SH3PXD2A: variants seen among roughly 807,000 people sequenced by gnomAD.
The protein encoded by SH3PXD2A is SH3 and PX domains 2A, also known as SH3 and PX domain-containing protein 2A.
SH3PXD2A carries 32 observed loss-of-function variants against 115.2 expected under a neutral mutation model. The ratio of observed to expected loss-of-function variants is 0.28; its 90% confidence interval spans 0.21 to 0.37. The LOEUF is 0.37. Ranked by LOEUF, SH3PXD2A falls within the 10% of genes least tolerant of loss-of-function variation. The probability of loss-of-function intolerance (pLI) is 1.00; values close to 1 mark genes in which losing one functional copy is unlikely to be tolerated. For missense variants in SH3PXD2A, 1,328 were observed against 1,498.7 expected, an observed-to-expected ratio of 0.89 and a Z score of 1.88; for synonymous variants, 610 against 629.1, an observed-to-expected ratio of 0.97 and a Z score of 0.45.
intron 11 of SH3PXD2A, among the ~76,000 whole-genome samples, chr10:103,615,541 G>A (rs1315657098): frequency 8.9e-6 from 1 of 111,944 alleles, no homozygotes; most frequent in Non-Finnish European, 2.0e-5. Flanking sequence ...TAGGGGTTGG[G>A]GGAGGAGAAG....
chr10:103,778,613 A>C (rs2038902960), intron 2 of SH3PXD2A, among the ~76,000 whole-genome samples: 1 of 152,252 alleles, frequency 6.6e-6, no homozygotes, highest in South Asian at 2.1e-4. Context: ...TGAAATGAGA[A>C]TACAGGTGAG....
At chr10:103,705,060 C>A (rs899613934) in intron 5 of SH3PXD2A, among the ~76,000 whole-genome samples, 3 of 152,158 alleles carry the variant, frequency 2.0e-5, no homozygotes, top group Non-Finnish European at 4.4e-5. Flanking sequence ...CCTTCTCCAG[C>A]TGCCTTCCTG....
chr10:103,771,734 AAAC>A (rs2038822568), intron 2 of SH3PXD2A, among the ~76,000 whole-genome samples: 1 of 134,160 alleles, frequency 7.5e-6, no homozygotes, highest in Non-Finnish European at 1.6e-5. Context: ...GACTCCGTCA[AAAC>A]AACACACACA....
intron 1 of SH3PXD2A, among the ~76,000 whole-genome samples, chr10:103,845,607 C>T (rs942245258): frequency 6.6e-6 from 1 of 152,146 alleles, no homozygotes; most frequent in Non-Finnish European, 1.5e-5. Context: ...TAACCAGTGG[C>T]CCTCGGGGCT....
chr10:103,595,490 C>G lies in SH3PXD2A; in HGVS notation c.*6326G>C. ...CAGCTACCCCAAACATGCACATGCT[C>G]TTCTCACCAACGTGCCTCTCACTTG... On this transcript the variant is annotated 3_prime_UTR_variant, in exon 15 of 15. Transcript: ENST00000369774. 1 of 152,278 alleles carries G rather than the reference C, an allele frequency of 6.6e-6. No individual in the cohort carries two copies. The highest frequency in any genetic ancestry group is 1.9e-4 in the East Asian group (1 of 5,200). 9.4% of individuals were successfully genotyped at this position (152,278 alleles called of 1,614,324 possible). A position where few individuals can be genotyped will look rare whatever the true frequency, so the allele number is the denominator to read the frequency against.
chr10:103,617,963 T>G (rs2036544817), intron 10 of SH3PXD2A, among the ~76,000 whole-genome samples: 1 of 152,200 alleles, frequency 6.6e-6, no homozygotes, highest in Non-Finnish European at 1.5e-5. Flanking sequence ...ATGTGTTTTG[T>G]TAAGACAAGG....
intron 2 of SH3PXD2A, among the ~76,000 whole-genome samples, chr10:103,792,484 C>G (rs978483371): frequency 2.0e-5 from 3 of 152,186 alleles, no homozygotes; most frequent in Admixed American, 2.0e-4. Context: ...GCTTACCTGT[C>G]TGGCGTCTCT....
intron 11 of SH3PXD2A, among the ~76,000 whole-genome samples, chr10:103,615,541 GGGA>G (rs781488036): frequency 1.8e-5 from 2 of 111,944 alleles, no homozygotes; most frequent in Non-Finnish European, 4.0e-5. Context: ...TAGGGGTTGG[GGGA>G]GGAGAAGAAA....
At chr10:103,639,370 G>C (rs1194625051) in intron 8 of SH3PXD2A, among the ~76,000 whole-genome samples, 2 of 152,110 alleles carry the variant, frequency 1.3e-5, no homozygotes, top group Non-Finnish European at 2.9e-5. Context: ...CTGGCACTTT[G>C]GGAGGCTGAG....
chr10:103,852,667 G>A (rs1030702264), intron 1 of SH3PXD2A, among the ~76,000 whole-genome samples: 2 of 152,210 alleles, frequency 1.3e-5, no homozygotes, highest in East Asian at 1.9e-4. Context: ...ACCGTGCAAG[G>A]GCCAGGAGAG....
At chr10:103,843,519 C>G (rs1717998045) in intron 1 of SH3PXD2A, among the ~76,000 whole-genome samples, 1 of 152,184 alleles carries the variant, frequency 6.6e-6, no homozygotes, top group African/African-American at 2.4e-5. Flanking sequence ...GGCAAGAGTT[C>G]AAGGGGAATA....
At chr10:103,603,837 C>A (rs1454064218) in intron 14 of SH3PXD2A, 48 bp from the exon 15 acceptor site, 2 of 1,519,988 alleles carry the variant, frequency 1.3e-6, no homozygotes, top group Middle Eastern at 2.0e-4. Context: ...GATCTGGAAC[C>A]CTATGACATC....
intron 4 of SH3PXD2A, among the ~76,000 whole-genome samples, chr10:103,726,271 G>A (rs1341791523): frequency 6.6e-6 from 1 of 152,322 alleles, no homozygotes; most frequent in African/African-American, 2.4e-5. Context: ...ACCACGACCA[G>A]CTTCAGATGC....
In SH3PXD2A at chr10:103,602,355, C is replaced by A. The variant is rs138239379; in HGVS notation, c.2863G>T (p.Gly955Trp). 5.0e-5 allele frequency: 80 copies of A among 1,613,388 alleles called. No individual in the cohort carries two copies. The highest frequency in any genetic ancestry group is 1.6e-4 in the Middle Eastern group (1 of 6,076). ...ATPPIPSKPPGGFGKTSGTPA... is the reference protein window; with the variant it reads ...ATPPIPSKPPWGFGKTSGTPA... ...GTGCCTGAGGTCTTGCCGAAGCCCC[C>A]GGGAGGTTTGGAGGGGATGGGGGGC... Residue 955 changes from glycine to tryptophan, a missense_variant, in exon 15 of 15, where the codon GGG becomes TGG. Transcript: ENST00000369774.
chr10:103,837,011 C>T lies in SH3PXD2A; in HGVS notation c.72+18184G>A, dbSNP rs367625434. Among the ~76,000 whole-genome samples the T allele has an allele frequency of 2.0e-5, 3 of 152,166 alleles. No individual in the cohort carries two copies. The East Asian group carries it at 5.8e-4, about 29-fold the overall frequency. Reference sequence around the variant, plus strand: ...TGAAGATATTAGATTTCTATTATCCCTAAGTCTCTCGTTTGTTTCCTGAGG... The same window carrying T: ...TGAAGATATTAGATTTCTATTATCCTTAAGTCTCTCGTTTGTTTCCTGAGG... On this transcript the variant is annotated intron_variant, in intron 1 of 14. Coordinates refer to ENST00000369774, the MANE Select transcript of SH3PXD2A (RefSeq NM_001394015.1).
intron 11 of SH3PXD2A, among the ~76,000 whole-genome samples, chr10:103,615,508 GTGTGTGTGTGTGTGTGTGTGT>G: frequency 6.7e-6 from 1 of 150,042 alleles, no homozygotes; most frequent in South Asian, 2.1e-4. Flanking sequence ...GTGTGTGTGT[GTGTGTGTGTGTGTGTGTGTGT>G]GTAGGGGTTG....
chr10:103,703,803 G>C (rs1051354567), intron 5 of SH3PXD2A, among the ~76,000 whole-genome samples: 5 of 152,162 alleles, frequency 3.3e-5, no homozygotes, highest in Admixed American at 6.5e-5. Flanking sequence ...GGACAGTACA[G>C]TCCAGACTCT....
At chr10:103,755,485 G>C (rs570104610) in intron 3 of SH3PXD2A, 1 of 152,138 alleles carries the variant, frequency 6.6e-6, no homozygotes, top group Non-Finnish European at 1.5e-5. Flanking sequence ...GACTGGTCTC[G>C]AACTCTTGAG....
intron 1 of SH3PXD2A, among the ~76,000 whole-genome samples, chr10:103,845,248 T>C (rs2134322509): frequency 6.8e-6 from 1 of 148,068 alleles, no homozygotes. Flanking sequence ...CGAGAATCAC[T>C]TGAACCCAGG....
Sources: gnomAD v4.1 joint callset for allele counts (sites outside exome capture counted in the v4.1 genomes callset) on GRCh38, gnomAD v4.1.1 for gene constraint, MANE v1.5 for transcripts, NCBI Gene and HGNC (gene_info 2026-07-23, HGNC 2026-07-21) for gene names.